The following MNS1 variants were observed in gnomAD, a reference collection of about 807,000 sequenced individuals.
MNS1 encodes the protein meiosis specific nuclear structural 1, also known as meiosis-specific nuclear structural protein 1.
Under a neutral mutation model 72.0 loss-of-function variants are expected in MNS1, and 63 were observed. The ratio of observed to expected loss-of-function variants is 0.87; its 90% CI spans 0.71 to 1.08. MNS1 has a LOEUF of 1.08. Among genes scored for constraint, MNS1 ranks in the 50% least tolerant of loss-of-function variants. The probability of loss-of-function intolerance (pLI) is 0.00; values close to 1 mark genes in which losing one functional copy is unlikely to be tolerated. For synonymous variants in MNS1, 188 were observed against 172.1 expected, an observed-to-expected ratio of 1.09 and a Z score of -0.72; for missense variants, 604 against 562.4, an observed-to-expected ratio of 1.07 and a Z score of -0.75.
At chr15:56,460,313 G>C (rs1478590078) in intron 2 of MNS1, among the ~76,000 whole-genome samples, 1 of 151,842 alleles carries the variant, frequency 6.6e-6, no homozygotes, top group Non-Finnish European at 1.5e-5. Context: ...TACAGAACAA[G>C]AATAAGGAAG....
Position 56,446,826 on chromosome 15 carries a change from C to G in MNS1, c.456+15G>C. ...TAAATGAAGCTAAAAACATAATGACCAGAAACATGATTACCATTTGTTCAT... is the reference window on the plus strand; with the variant it reads ...TAAATGAAGCTAAAAACATAATGACGAGAAACATGATTACCATTTGTTCAT... On this transcript the variant is annotated intron_variant, in intron 4 of 9. Coordinates refer to ENST00000260453, the MANE Select transcript of MNS1 (RefSeq NM_018365.4). 1 of 1,564,198 alleles carries G rather than the reference C, an allele frequency of 6.4e-7. No individual in the cohort carries two copies. Among genetic ancestry groups the G allele is most frequent in the African/African-American group, 1.4e-5 (1 of 73,880 alleles).
In MNS1 at chr15:56,429,194, C is replaced by T; in HGVS notation, c.1396-1G>A. On this transcript the variant is annotated splice_acceptor_variant, in intron 9 of 9. Transcript: ENST00000260453. LOFTEE classifies it high-confidence loss of function. ...TATCATCCTCTTTTTTAAATACTCCCTACGAGAAAAATACTTTGTGGGTTA... is the reference window on the plus strand; with the variant it reads ...TATCATCCTCTTTTTTAAATACTCCTTACGAGAAAAATACTTTGTGGGTTA... The T allele has an allele frequency of 6.3e-7, 1 of 1,577,052 alleles. No homozygotes were observed. Among genetic ancestry groups the T allele is most frequent in the Non-Finnish European group, 8.6e-7 (1 of 1,160,032 alleles).
In MNS1 at chr15:56,434,290, C is replaced by G. The variant is rs769805755; in HGVS notation, c.1117G>C (p.Glu373Gln). Residue 373 changes from glutamate (E) to glutamine (Q), a missense_variant, in exon 8 of 10, where the codon GAG becomes CAG. Physicochemically the swap from Glu to Gln is conservative, Grantham distance 29. Transcript: ENST00000260453. ...GCTAGCATAGTTTTTCTAAAGTTCT[C>G]CTCTTCCTCTTTTGCAGCCTGTAGC... Reference protein sequence around the residue: ...LVLQAAKEEEENFRKTMLAKF... With the variant: ...LVLQAAKEEEQNFRKTMLAKF... The G allele has an allele frequency of 5.6e-6, 9 of 1,613,904 alleles. No homozygotes were observed. In the Admixed American group the frequency reaches 8.3e-5, roughly 15 times the overall value.
chr15:56,439,228 T>C (rs1373181864), intron 7 of MNS1, among the ~76,000 whole-genome samples: 1 of 152,142 alleles, frequency 6.6e-6, no homozygotes, highest in Non-Finnish European at 1.5e-5. Context: ...CGTACAGGAT[T>C]TGTATGCTGA....
intron 7 of MNS1, among the ~76,000 whole-genome samples, chr15:56,437,170 A>C (rs1213335659): frequency 1.3e-5 from 2 of 152,196 alleles, no homozygotes; most frequent in African/African-American, 4.8e-5. Flanking sequence ...AAAAAAAGAG[A>C]ATTTAAGACC....
rs149345088 is a variant in MNS1 at position 56,439,130 on chromosome 15, C to T, written c.1011+4300G>A. ...AGATAAACACAAAAATATCAATTCA[C>T]TAGCAACGAGTACACGGACACCAAA... On this transcript the variant is annotated intron_variant, in intron 7 of 9. Coordinates refer to ENST00000260453, the MANE Select transcript of MNS1 (RefSeq NM_018365.4). Among the ~76,000 whole-genome samples the T allele has an allele frequency of 1.0e-3, 156 of 152,256 alleles. 1 individual carries two copies. The highest frequency in any genetic ancestry group is 3.6e-3 in the African/African-American group (149 of 41,562).
chr15:56,431,101 C>T (rs1396833654), intron 9 of MNS1, among the ~76,000 whole-genome samples: 2 of 152,186 alleles, frequency 1.3e-5, no homozygotes, highest in African/African-American at 4.8e-5. Flanking sequence ...TTGCAGTAAG[C>T]TGACATCTTG....
Position 56,429,027 on chromosome 15 carries a change from C to G in MNS1, c.*74G>C. On this transcript the variant is annotated 3_prime_UTR_variant, in exon 10 of 10. Transcript: ENST00000260453. ...ACAATGGATACCTAATGCCACTGAACTGTAAAACAAAAGTTATGCTGACAT... is the reference window on the plus strand; with the variant it reads ...ACAATGGATACCTAATGCCACTGAAGTGTAAAACAAAAGTTATGCTGACAT... The G allele has an allele frequency of 1.1e-6, 1 of 910,190 alleles. No individual in the cohort carries two copies. The highest frequency in any genetic ancestry group is 2.9e-5 in the Admixed American group (1 of 34,972). The allele number at this position is 910,190 out of a possible 1,614,324, so 56.4% of individuals were successfully genotyped here.
chr15:56,454,163 C>G lies in MNS1; in HGVS notation c.353+2231G>C, dbSNP rs557999659. ...AAAATTTTTCACAAGGTATAAAATT[C>G]TGGTTGAGTTGTAAATTTTTTTGTA... On this transcript the variant is annotated intron_variant, in intron 3 of 9. Coordinates refer to ENST00000260453, the MANE Select transcript of MNS1 (RefSeq NM_018365.4). 3.3e-4 allele frequency among the ~76,000 whole-genome samples: 50 copies of G among 152,194 alleles called. 1 individual carries two copies. In the South Asian group the frequency reaches 0.01, roughly 31 times the overall value.
Position 56,438,940 on chromosome 15 carries a change from G to T in MNS1, c.1011+4490C>A, listed in dbSNP as rs563277462. 4.6e-4 allele frequency among the ~76,000 whole-genome samples: 70 copies of T among 152,182 alleles called. No individual in the cohort carries two copies. The Middle Eastern group carries it at 0.014, about 30-fold the overall frequency. On this transcript the variant is annotated intron_variant, in intron 7 of 9. Transcript: ENST00000260453. Reference sequence around the variant, plus strand: ...TTCTTCAACATAGCACTAGCCAGTGGTGCTGGAAATTTTAGCCAGCATGTA... The same window carrying T: ...TTCTTCAACATAGCACTAGCCAGTGTTGCTGGAAATTTTAGCCAGCATGTA...
intron 7 of MNS1, 56 bp from the exon 8 acceptor site, chr15:56,434,451 A>G (rs2050684084): frequency 1.3e-6 from 2 of 1,514,138 alleles, no homozygotes; most frequent in South Asian, 1.2e-5. Flanking sequence ...CCAGATTTAT[A>G]AGGAAAGAGT....
intron 8 of MNS1, among the ~76,000 whole-genome samples, chr15:56,432,004 G>T (rs1165881367): frequency 6.6e-6 from 1 of 152,102 alleles, no homozygotes; most frequent in Non-Finnish European, 1.5e-5. Flanking sequence ...GGGCCATATA[G>T]AAAAGATGAC....
rs151085442 is a variant in MNS1 at position 56,464,045 on chromosome 15, A to G, written c.206T>C (p.Met69Thr). The stretch of plus-strand genomic sequence containing the variant: ...ACTTACCTTTTGAATGGCCTCTTCC[A>G]TATCCAACTCAAATTGTTCATTTTG... ...LLQNEQFELD[M>T]EEAIQKAEEN... Residue 69 changes from methionine (M) to threonine (T), a missense_variant, in exon 2 of 10, where the codon ATG becomes ACG. By Grantham distance (81) the Met-to-Thr change is moderately conservative (BLOSUM62 -1). Coordinates refer to ENST00000260453, the MANE Select transcript of MNS1 (RefSeq NM_018365.4). The G allele has an allele frequency of 1.1e-4, 171 of 1,612,828 alleles. No homozygotes were observed. The highest frequency in any genetic ancestry group is 1.4e-4 in the Non-Finnish European group (162 of 1,179,688).
At chr15:56,458,839 A>G (rs1309333009) in intron 2 of MNS1, among the ~76,000 whole-genome samples, 1 of 152,148 alleles carries the variant, frequency 6.6e-6, no homozygotes, top group Non-Finnish European at 1.5e-5. Flanking sequence ...ATCACAGTTT[A>G]TCCATTATCT....
At chr15:56,439,287 G>A (rs565946755) in intron 7 of MNS1, among the ~76,000 whole-genome samples, 1 of 151,964 alleles carries the variant, frequency 6.6e-6, no homozygotes, top group Non-Finnish European at 1.5e-5. Flanking sequence ...TAAAGGGAGA[G>A]CCAAATTGTG....
chr15:56,460,574 TGTTAAGAA>T (rs1489917820), intron 2 of MNS1, among the ~76,000 whole-genome samples: 12 of 152,198 alleles, frequency 7.9e-5, no homozygotes, highest in Non-Finnish European at 1.8e-4. Flanking sequence ...CTGTGTAAGA[TGTTAAGAA>T]GTAGTCAGGT....
intron 9 of MNS1, chr15:56,430,003 C>T (rs2050530090): frequency 6.6e-6 from 1 of 152,126 alleles, no homozygotes; most frequent in Non-Finnish European, 1.5e-5. Flanking sequence ...ATTCCTTAAT[C>T]CTTTCTAACC....
chr15:56,456,672 A>G (rs2050983728), intron 2 of MNS1, 151 bp from the exon 3 acceptor site: 1 of 838,878 alleles, frequency 1.2e-6, no homozygotes, highest in South Asian at 1.9e-5. Context: ...TTCAATAAAT[A>G]CTTTTTCAAA....
intron 2 of MNS1, among the ~76,000 whole-genome samples, chr15:56,462,117 A>C (rs1172029302): frequency 1.3e-5 from 2 of 150,594 alleles, no homozygotes; most frequent in Non-Finnish European, 2.9e-5. Context: ...AGATCCTTCC[A>C]TCTTGGCCTC....
Sources: gnomAD v4.1 joint callset for allele counts (sites outside exome capture counted in the v4.1 genomes callset) on GRCh38, gnomAD v4.1.1 for gene constraint, MANE v1.5 for transcripts, NCBI Gene and HGNC (gene_info 2026-07-23, HGNC 2026-07-21) for gene names.